SAMD3: variants seen among roughly 807,000 people sequenced by gnomAD.
SAMD3 encodes sterile alpha motif domain containing 3, also known as sterile alpha motif domain-containing protein 3.
A neutral mutation model predicts 58.5 loss-of-function variants in SAMD3; 63 were observed. That is an observed-to-expected ratio of 1.08 (90% CI 0.88 to 1.33). SAMD3 has a LOEUF of 1.33. Ranked by LOEUF, SAMD3 falls within the 40% of genes most tolerant of loss-of-function variation. The pLI is 0.00. For synonymous variants in SAMD3, 220 were observed against 210.3 expected, an observed-to-expected ratio of 1.05 and a Z score of -0.40; for missense variants, 604 against 608.4, an observed-to-expected ratio of 0.99 and a Z score of 0.08.
At chr6:130,341,558 A>G (rs1458004892) in intron 1 of SAMD3, among the ~76,000 whole-genome samples, 1 of 152,146 alleles carries the variant, frequency 6.6e-6, no homozygotes, top group Non-Finnish European at 1.5e-5. Flanking sequence ...GAAAGAAAAT[A>G]CTCTGAGTCA....
At chr6:130,284,325 A>G (rs772348215) in intron 2 of SAMD3, among the ~76,000 whole-genome samples, 5 of 152,242 alleles carry the variant, frequency 3.3e-5, no homozygotes, top group Non-Finnish European at 5.9e-5. Context: ...TTAATCAAGT[A>G]TATATGTTAG....
intron 4 of SAMD3, among the ~76,000 whole-genome samples, chr6:130,213,087 A>G (rs1795704024): frequency 6.6e-6 from 1 of 152,156 alleles, no homozygotes; most frequent in Non-Finnish European, 1.5e-5. Flanking sequence ...GTTGGAGACC[A>G]GCCTGGGCAA....
intron 2 of SAMD3, among the ~76,000 whole-genome samples, chr6:130,264,197 C>T (rs965191906): frequency 9.9e-5 from 15 of 152,164 alleles, no homozygotes; most frequent in African/African-American, 3.1e-4. Context: ...GCTCTTTTCC[C>T]GTATTCTACA....
intron 9 of SAMD3, among the ~76,000 whole-genome samples, chr6:130,151,434 T>A (rs1300519818): frequency 2.6e-5 from 4 of 152,142 alleles, no homozygotes; most frequent in African/African-American, 7.2e-5. Flanking sequence ...CTTTATTTTT[T>A]AAATTTATTT....
rs866969821 is a variant in SAMD3, at chr6:130,154,648, C to T, written c.1023+177G>A. Among the ~76,000 whole-genome samples the T allele has an allele frequency of 5.0e-5, 7 of 139,010 alleles. No individual in the cohort carries two copies. The East Asian group carries it at 1.1e-3, about 21-fold the overall frequency. 91.2% of individuals were successfully genotyped at this position (139,010 alleles called of 152,430 possible). On this transcript the variant is annotated intron_variant, in intron 9 of 11. Transcript: ENST00000439090. ...GGCAGAGGTTGCAGTGAGCTGAGAT[C>T]GCAGGCCATTGCACTCCAGCCTGGG... is the stretch of plus-strand genomic sequence containing the variant.
At chr6:130,154,193 G>A (rs1398738237) in intron 9 of SAMD3, among the ~76,000 whole-genome samples, 2 of 146,992 alleles carry the variant, frequency 1.4e-5, no homozygotes, top group Admixed American at 1.4e-4. Flanking sequence ...CTTTAGTTCT[G>A]AAGGCAGCTG....
At chr6:130,207,892 A>T (rs1007455580) in intron 5 of SAMD3, among the ~76,000 whole-genome samples, 2 of 152,144 alleles carry the variant, frequency 1.3e-5, no homozygotes, top group African/African-American at 2.4e-5. Context: ...GCCAAAGCCC[A>T]TTTGCAGGAG....
At chr6:130,224,552 G>A (rs530530399), upstream of SAMD3, among the ~76,000 whole-genome samples, 2 of 151,810 alleles carry the variant, frequency 1.3e-5, no homozygotes, top group East Asian at 3.9e-4. Context: ...GGACGGGCCA[G>A]AATGTTCAAA....
At chr6:130,339,424 T>C (rs1265907766) in intron 1 of SAMD3, among the ~76,000 whole-genome samples, 3 of 152,184 alleles carry the variant, frequency 2.0e-5, no homozygotes, top group African/African-American at 7.2e-5. Context: ...GATTGGATCA[T>C]AGGGGTGGGT....
chr6:130,215,769 T>C, intron 2 of SAMD3: 2 of 1,515,912 alleles, frequency 1.3e-6, no homozygotes, highest in Admixed American at 2.0e-5. Flanking sequence ...CTTAGTAAAC[T>C]GGTTAACCCC....
In SAMD3 at chr6:130,309,664, T is replaced by C. The variant is rs79326309; in HGVS notation, c.-188+3314A>G. ...AAAGCCTAACAGTAACCAAGAAGGA[T>C]GAATTTCCTGGCACCTTACCAGAGG... On this transcript the variant is annotated intron_variant, in intron 2 of 13. Coordinates refer to the SAMD3 transcript ENST00000368134. Among the ~76,000 whole-genome samples the C allele has an allele frequency of 1.2e-4, 19 of 152,220 alleles. No individual in the cohort carries two copies. The East Asian group carries it at 3.7e-3, about 29-fold the overall frequency.
chr6:130,252,432 T>C (rs1773770059), intron 2 of SAMD3, among the ~76,000 whole-genome samples: 1 of 152,176 alleles, frequency 6.6e-6, no homozygotes, highest in South Asian at 2.1e-4. Flanking sequence ...GGGTACACTA[T>C]CTTTTATTCA....
intron 2 of SAMD3, among the ~76,000 whole-genome samples, chr6:130,251,578 T>C (rs985443631): frequency 6.6e-6 from 1 of 152,192 alleles, no homozygotes; most frequent in Non-Finnish European, 1.5e-5. Flanking sequence ...AAAATGGAAT[T>C]TCATTCTTTA....
chr6:130,295,082 T>C (rs1035712084), intron 2 of SAMD3, among the ~76,000 whole-genome samples: 1 of 151,864 alleles, frequency 6.6e-6, no homozygotes, highest in African/African-American at 2.4e-5. Flanking sequence ...CACCACCACA[T>C]CCAGCTAATT....
At chr6:130,323,802 CA>C (rs766078214) in intron 1 of SAMD3, among the ~76,000 whole-genome samples, 202 of 53,538 alleles carry the variant, frequency 3.8e-3, no homozygotes, top group Middle Eastern at 0.016. Context: ...GACTCTGTCT[CA>C]AAAAAAAAAA....
At chr6:130,192,305 G>C (rs117839103) in intron 5 of SAMD3, among the ~76,000 whole-genome samples, 3,830 of 152,210 alleles carry the variant, frequency 0.025, 70 homozygotes, top group Middle Eastern at 0.041. Flanking sequence ...TTTTTTAAGA[G>C]ACAGGTGTCA....
chr6:130,292,317 C>G (rs1775397137), intron 2 of SAMD3, among the ~76,000 whole-genome samples: 1 of 138,126 alleles, frequency 7.2e-6, no homozygotes, highest in African/African-American at 2.8e-5. Flanking sequence ...GTCACCCAGG[C>G]TGGAGTGCTG....
At chr6:130,259,154 A>G (rs1010040071) in intron 2 of SAMD3, among the ~76,000 whole-genome samples, 8 of 152,234 alleles carry the variant, frequency 5.3e-5, no homozygotes, top group African/African-American at 1.9e-4. Context: ...ATAGCAGAGC[A>G]AAGAAACCCT....
intron 2 of SAMD3, among the ~76,000 whole-genome samples, chr6:130,250,392 A>G (rs1474388214): frequency 6.6e-6 from 1 of 152,190 alleles, no homozygotes; most frequent in Non-Finnish European, 1.5e-5. Context: ...AGTTATGCCT[A>G]CTAAATAGTA....
Sources: allele counts gnomAD v4.1 joint callset (sites outside exome capture counted in the v4.1 genomes callset), GRCh38; gene constraint gnomAD v4.1.1; transcripts MANE v1.5; gene names NCBI Gene and HGNC (gene_info 2026-07-23, HGNC 2026-07-21).